CFAP73: variants seen among roughly 807,000 people sequenced by gnomAD.
CFAP73 encodes cilia and flagella associated protein 73.
In CFAP73, 33 loss-of-function variants were observed where a neutral mutation model predicts 42.9. That is an observed-to-expected ratio of 0.77 (90% CI 0.58 to 1.03). CFAP73 has a LOEUF of 1.03. Among genes scored for constraint, CFAP73 ranks in the 50% least tolerant of loss-of-function variants. The pLI is 0.00. For synonymous variants in CFAP73, 162 were observed against 186.8 expected (o/e 0.87, Z 1.08); for missense variants, 392 against 411.9 (o/e 0.95, Z 0.42).
chr12:113,156,537 A>G (rs1311431192), intron 6 of CFAP73, among the ~76,000 whole-genome samples: 1 of 151,946 alleles, frequency 6.6e-6, no homozygotes, highest in Non-Finnish European at 1.5e-5. Flanking sequence ...TCCTGCTACA[A>G]AGGGAGGCAT....
In CFAP73 at chr12:113,155,272, A is replaced by G. The variant is rs769522713; in HGVS notation, c.703A>G (p.Ile235Val). 3.9e-6 allele frequency: 6 copies of G among 1,534,052 alleles called. No homozygotes were observed. In the African/African-American group the frequency reaches 6.9e-5, roughly 18 times the overall value. The change falls in exon 6 of 8, where the codon ATT becomes GTT. Residue 235 changes from isoleucine (I) to valine (V), a missense_variant. Physicochemically the swap from Ile to Val is conservative, Grantham distance 29 (BLOSUM62 3). Transcript: ENST00000335621. The stretch of plus-strand genomic sequence containing the variant: ...GGGTGTTCTCCAGGAATCCAAGTGG[A>G]TTCAGATTCAGAACACAGCAGCGGA... ...ERTLQWESKW[I>V]QIQNTAAEKT...
At chr12:113,150,732 G>A (rs944158169) in intron 1 of CFAP73, among the ~76,000 whole-genome samples, 1 of 151,970 alleles carries the variant, frequency 6.6e-6, no homozygotes, top group African/African-American at 2.4e-5. Flanking sequence ...CACTCCCTCC[G>A]CTCCCACTTC....
chr12:113,155,345 T>A lies in CFAP73; in HGVS notation c.776T>A (p.Phe259Tyr), dbSNP rs761053171. The change falls in exon 6 of 8, where the codon TTC becomes TAC. Residue 259 changes from phenylalanine to tyrosine, a missense_variant. Coordinates refer to ENST00000335621, the MANE Select transcript of CFAP73 (RefSeq NM_001144872.3). ...AGCAGGATGGCTGTGCTCAACCTGT[T>A]CCAGCTAGTGTGCCAGCATCAGGGG... ...GRSRMAVLNL[F>Y]QLVCQHQGQP... 9 of 1,551,324 alleles carry A rather than the reference T, an allele frequency of 5.8e-6. No homozygotes were observed. In the South Asian group the frequency reaches 1.1e-4, roughly 18 times the overall value.
chr12:113,153,481 C>T lies in CFAP73; in HGVS notation c.468+73C>T. 7.5e-6 allele frequency: 9 copies of T among 1,204,418 alleles called. No individual in the cohort carries two copies. The Admixed American group carries it at 2.3e-4, about 31-fold the overall frequency. The allele number at this position is 1,204,418 out of a possible 1,614,324, so 74.6% of individuals were successfully genotyped here. On this transcript the variant is annotated intron_variant, in intron 4 of 7. Coordinates refer to ENST00000335621, the MANE Select transcript of CFAP73 (RefSeq NM_001144872.3). Reference sequence around the variant, plus strand: ...TGAGTGGCTCAGGGACGGCTTCGGACCGGCGAACTACTGGTTCGCTGAACT... The same window carrying T: ...TGAGTGGCTCAGGGACGGCTTCGGATCGGCGAACTACTGGTTCGCTGAACT...
At position 113,155,345 on chromosome 12, in the gene CFAP73, T is replaced by TA; in HGVS notation, c.776_777insA (p.Phe259LeufsTer44). 6.4e-7 allele frequency: 1 copy of TA among 1,551,442 alleles called. No homozygotes were observed. The highest frequency in any genetic ancestry group is 1.2e-5 in the South Asian group (1 of 84,032). ...AGCAGGATGGCTGTGCTCAACCTGT[T>TA]CCAGCTAGTGTGCCAGCATCAGGGG... On this transcript the variant is annotated frameshift_variant, in exon 6 of 8. Transcript: ENST00000335621. LOFTEE classifies it high-confidence loss of function.
At chr12:113,155,499 G>A (rs1416825995) in intron 6 of CFAP73, 81 bp downstream of exon 6, 1 of 1,405,670 alleles carries the variant, frequency 7.1e-7, no homozygotes, top group Non-Finnish European at 9.6e-7. Context: ...CACAGTTAGT[G>A]ACACCTTCTC....
intron 3 of CFAP73, 66 bp downstream of exon 3, chr12:113,152,953 C>T (rs1952078720): frequency 3.6e-6 from 4 of 1,112,766 alleles, no homozygotes; most frequent in East Asian, 2.6e-5. Context: ...TATAGGGGCC[C>T]GGCAGGTAAC....
chr12:113,152,149 A>C, intron 2 of CFAP73, 126 bp downstream of exon 2: 1 of 669,742 alleles, frequency 1.5e-6, no homozygotes, highest in South Asian at 1.8e-5. Context: ...TCATCGTCAA[A>C]TGGGGATCAA....
Position 113,154,402 on chromosome 12 carries a change from C to T in CFAP73, c.469-12C>T, listed in dbSNP as rs1405717872. Reference sequence around the variant, plus strand: ...AGGCCCATGTGAGTCCCTTCCCCGCCCCCGACTCTAGTTCCAAGAGGTTCC... The same window carrying T: ...AGGCCCATGTGAGTCCCTTCCCCGCTCCCGACTCTAGTTCCAAGAGGTTCC... On this transcript the variant is annotated splice_polypyrimidine_tract_variant and intron_variant, in intron 4 of 7. Coordinates refer to ENST00000335621, the MANE Select transcript of CFAP73 (RefSeq NM_001144872.3). This position sits in a 1 kb window ranked among gnomAD's most constrained non-coding sequence, Gnocchi z 4.7. 5.8e-6 allele frequency: 9 copies of T among 1,548,414 alleles called. No individual in the cohort carries two copies. Among genetic ancestry groups the T allele is most frequent in the Non-Finnish European group, 6.1e-6 (7 of 1,146,098 alleles).
In CFAP73 at chr12:113,154,442, G is replaced by T. The variant is rs1249821169; in HGVS notation, c.497G>T (p.Arg166Leu). The T allele has an allele frequency of 1.3e-6, 2 of 1,547,130 alleles. No homozygotes were observed. The highest frequency in any genetic ancestry group is 8.7e-7 in the Non-Finnish European group (1 of 1,145,788). ...CAAGAGGTTCCGGAGCTGGTGGCGC[G>T]CTTCGACGGCCTGGCCGAGACGCAG... is the stretch of plus-strand genomic sequence containing the variant. ...GFQEVPELVARFDGLAETQAA... is the reference protein window; with the variant it reads ...GFQEVPELVALFDGLAETQAA... Residue 166 changes from arginine (R) to leucine (L), a missense_variant, in exon 5 of 8, where the codon CGC becomes CTC. Physicochemically the swap from Arg to Leu is moderately radical, Grantham distance 102 (BLOSUM62 -2). Transcript: ENST00000335621. This position sits in a 1 kb window ranked among gnomAD's most constrained non-coding sequence, Gnocchi z 4.7.
intron 6 of CFAP73, 75 bp from the exon 7 acceptor site, chr12:113,157,527 C>A: frequency 6.3e-6 from 8 of 1,267,476 alleles, no homozygotes; most frequent in Non-Finnish European, 9.0e-6. Flanking sequence ...CTTTCGGCCT[C>A]CCCCGCGTGT....
rs1168268713 is a variant in CFAP73 at position 113,154,540 on chromosome 12, C to T, written c.595C>T (p.Arg199Trp). ...EAARARLQQL[R>W]DAWPDEVLAQ... The stretch of plus-strand genomic sequence containing the variant: ...GGCGCGAGCGCGGCTGCAGCAGCTG[C>T]GGGACGCCTGGCCGGACGAGGTGCT... The change falls in exon 5 of 8, where the codon CGG (arginine) becomes TGG (tryptophan). Residue 199 changes from arginine (R) to tryptophan (W), a missense_variant. By Grantham distance (101) the Arg-to-Trp change is moderately radical. Coordinates refer to ENST00000335621, the MANE Select transcript of CFAP73 (RefSeq NM_001144872.3). This position sits in a 1 kb window ranked among gnomAD's most constrained non-coding sequence, Gnocchi z 4.7. The T allele has an allele frequency of 1.3e-6, 2 of 1,487,110 alleles. No homozygotes were observed. Among genetic ancestry groups the T allele is most frequent in the Admixed American group, 2.4e-5 (1 of 41,640 alleles). The allele number at this position is 1,487,110 out of a possible 1,614,324, so 92.1% of individuals were successfully genotyped here.
rs184221039 is a variant in CFAP73, at chr12:113,157,897, G to A, written c.*11+207G>A. The A allele has an allele frequency of 3.9e-3, 2,298 of 589,992 alleles. 39 individuals carry two copies. The highest frequency in any genetic ancestry group is 0.038 in the African/African-American group (2,044 of 53,978). 36.5% of individuals were successfully genotyped at this position (589,992 alleles called of 1,614,324 possible). On this transcript the variant is annotated intron_variant, in intron 7 of 7. Coordinates refer to ENST00000335621, the MANE Select transcript of CFAP73 (RefSeq NM_001144872.3). ...GCAGGCCCTGATGAGGAGGTGATGGGAAGGTCAAGGGGCTATGTGTGGGGC... is the reference window on the plus strand; with the variant it reads ...GCAGGCCCTGATGAGGAGGTGATGGAAAGGTCAAGGGGCTATGTGTGGGGC...
At position 113,154,370 on chromosome 12, in the gene CFAP73, G is replaced by A. The variant is rs1217799991; in HGVS notation, c.469-44G>A. 1.3e-6 allele frequency: 2 copies of A among 1,543,122 alleles called. No individual in the cohort carries two copies. Among genetic ancestry groups the A allele is most frequent in the Admixed American group, 3.9e-5 (2 of 50,896 alleles). ...GGCCAGGTGGGATGGAGAGGGTAAG[G>A]CACTGCAGGCCCATGTGAGTCCCTT... On this transcript the variant is annotated intron_variant, in intron 4 of 7. Transcript: ENST00000335621. The surrounding 1 kb of genome is among the most constrained non-coding windows in gnomAD (Gnocchi z 4.7).
At chr12:113,151,350 C>G (rs192311835) in intron 1 of CFAP73, among the ~76,000 whole-genome samples, 1 of 152,098 alleles carries the variant, frequency 6.6e-6, no homozygotes, top group Non-Finnish European at 1.5e-5. Flanking sequence ...GGCATGGTGG[C>G]GTGCACCTGT....
chr12:113,158,975 G>T lies in CFAP73; in HGVS notation c.*286G>T, dbSNP rs1360402365. 5 of 1,611,316 alleles carry T rather than the reference G, an allele frequency of 3.1e-6. No homozygotes were observed. The highest frequency in any genetic ancestry group is 3.4e-6 in the Non-Finnish European group (4 of 1,179,120). ...ACGCGGCGGCGGTTGCGGGCAGAGA[G>T]CTGCTTGAGGCCACCACGCTGCAGG... On this transcript the variant is annotated 3_prime_UTR_variant, in exon 8 of 8. Transcript: ENST00000335621. This position sits in a 1 kb window ranked among gnomAD's most constrained non-coding sequence, Gnocchi z 4.9.
Position 113,157,837 on chromosome 12 carries a change from T to A in CFAP73, c.*11+147T>A, listed in dbSNP as rs1952151846. ...GTGCCTGTTCAGAGTGCTGTGGGCC[T>A]GCCATGAGGGGCACATAGCAAGCAC... is the stretch of plus-strand genomic sequence containing the variant. On this transcript the variant is annotated intron_variant, in intron 7 of 7. Coordinates refer to ENST00000335621, the MANE Select transcript of CFAP73 (RefSeq NM_001144872.3). 6 of 649,130 alleles carry A rather than the reference T, an allele frequency of 9.2e-6. No homozygotes were observed. In the South Asian group the frequency reaches 1.1e-4, roughly 12 times the overall value. The allele number at this position is 649,130 out of a possible 1,614,324, so 40.2% of individuals were successfully genotyped here.
chr12:113,158,987 C>T lies in CFAP73; in HGVS notation c.*298C>T. ...TTGCGGGCAGAGAGCTGCTTGAGGC[C>T]ACCACGCTGCAGGAAGTGCAGCTTC... On this transcript the variant is annotated 3_prime_UTR_variant, in exon 8 of 8. Transcript: ENST00000335621. This position sits in a 1 kb window ranked among gnomAD's most constrained non-coding sequence, Gnocchi z 4.9. 1 of 1,611,368 alleles carries T rather than the reference C, an allele frequency of 6.2e-7. No individual in the cohort carries two copies. The highest frequency in any genetic ancestry group is 8.5e-7 in the Non-Finnish European group (1 of 1,179,152).
intron 6 of CFAP73, 99 bp downstream of exon 6, chr12:113,155,517 A>G: frequency 7.7e-7 from 1 of 1,293,066 alleles, no homozygotes; most frequent in Non-Finnish European, 1.0e-6. Context: ...CTCTGGGTTA[A>G]GCATGGCCCT....
Sources: allele counts gnomAD v4.1 joint callset (sites outside exome capture counted in the v4.1 genomes callset), GRCh38; gene constraint gnomAD v4.1.1; non-coding constraint Gnocchi (gnomAD v3.1); transcripts MANE v1.5; gene names NCBI Gene and HGNC (gene_info 2026-07-23, HGNC 2026-07-21).